COA1: variants seen among roughly 807,000 people sequenced by gnomAD.
The protein encoded by COA1 is cytochrome c oxidase assembly factor 1, also known as cytochrome c oxidase assembly factor 1 homolog.
In COA1, 13 loss-of-function variants were observed where a neutral mutation model predicts 16.0. That is an observed-to-expected ratio of 0.81 (90% CI 0.53 to 1.29). COA1 has a LOEUF of 1.29. COA1 is among the 50% of genes most tolerant of loss of function. The pLI, the probability that COA1 is intolerant of heterozygous loss-of-function variation, is 0.00. For synonymous variants in COA1, 65 were observed against 65.7 expected, an observed-to-expected ratio of 0.99 and a Z score of 0.05; for missense variants, 179 against 177.0, an observed-to-expected ratio of 1.01 and a Z score of -0.06.
At chr7:43,610,899 T>C (rs1486787474) in intron 6 of COA1, among the ~76,000 whole-genome samples, 1 of 152,074 alleles carries the variant, frequency 6.6e-6, no homozygotes, top group Non-Finnish European at 1.5e-5. Context: ...GGCAGATCGC[T>C]TGAGGTCAGG....
intron 1 of COA1, among the ~76,000 whole-genome samples, chr7:43,711,083 C>G (rs1042044342): frequency 3.3e-5 from 5 of 151,556 alleles, no homozygotes; most frequent in Non-Finnish European, 7.4e-5. Context: ...AATATCCCAT[C>G]CCACATTTTT....
chr7:43,702,503 T>C (rs752324780), intron 1 of COA1, among the ~76,000 whole-genome samples: 4 of 152,208 alleles, frequency 2.6e-5, no homozygotes, highest in Non-Finnish European at 5.9e-5. Flanking sequence ...TGTAGCCTTG[T>C]AGCATAGTTT....
chr7:43,689,296 G>A (rs1283342531), intron 1 of COA1, among the ~76,000 whole-genome samples: 2 of 152,172 alleles, frequency 1.3e-5, no homozygotes, highest in African/African-American at 4.8e-5. Context: ...TAGCAAAGGA[G>A]GAACTCTCCA....
At chr7:43,701,321 T>C (rs1467276736) in intron 1 of COA1, among the ~76,000 whole-genome samples, 2 of 152,184 alleles carry the variant, frequency 1.3e-5, no homozygotes, top group African/African-American at 2.4e-5. Context: ...CGTGTCTTCA[T>C]GCATTCACTG....
intron 1 of COA1, among the ~76,000 whole-genome samples, chr7:43,669,385 G>T (rs2093107025): frequency 6.6e-6 from 1 of 152,070 alleles, no homozygotes; most frequent in Admixed American, 6.6e-5. Context: ...TAGAAACTGG[G>T]TCCACCCAAA....
intron 1 of COA1, among the ~76,000 whole-genome samples, chr7:43,696,864 C>T (rs1352581523): frequency 6.6e-6 from 1 of 151,966 alleles, no homozygotes; most frequent in Non-Finnish European, 1.5e-5. Flanking sequence ...GTGGCTCATA[C>T]CTGTAATCCC....
intron 2 of COA1, 157 bp downstream of exon 2, chr7:43,648,443 G>C: frequency 1.2e-6 from 1 of 811,580 alleles, no homozygotes; most frequent in South Asian, 1.4e-5. Flanking sequence ...AAACAATGCA[G>C]AAAATGCCCA....
chr7:43,639,918 A>C (rs535552963), intron 5 of COA1, among the ~76,000 whole-genome samples: 1 of 152,318 alleles, frequency 6.6e-6, no homozygotes, highest in East Asian at 1.9e-4. Flanking sequence ...AATGGAAGGG[A>C]CATCAGGAAG....
rs563020728 is a variant in COA1 at position 43,685,357 on chromosome 7, C to A, written c.-38-36705G>T. On this transcript the variant is annotated intron_variant, in intron 1 of 5. Transcript: ENST00000223336. ...CTGGTGTCCAACATTACAGATCCAA[C>A]CCAAATGAGATTTTAATTTCTGACG... is the stretch of plus-strand genomic sequence containing the variant. Among the ~76,000 whole-genome samples, 3 of 152,138 alleles carry A rather than the reference C, an allele frequency of 2.0e-5. No homozygotes were observed. In the South Asian group the frequency reaches 6.2e-4, roughly 32 times the overall value.
downstream of COA1, among the ~76,000 whole-genome samples, chr7:43,636,051 C>A (rs998238507): frequency 1.3e-5 from 2 of 152,086 alleles, no homozygotes; most frequent in African/African-American, 2.4e-5. Context: ...AAAAAACTTG[C>A]AAGATAATTT....
chr7:43,644,776 A>G (rs2088566059), intron 4 of COA1, among the ~76,000 whole-genome samples: 1 of 114,092 alleles, frequency 8.8e-6, no homozygotes, highest in Non-Finnish European at 1.8e-5. Context: ...GCAGGCAGGC[A>G]GGCAGGCAGG....
chr7:43,725,686 C>T (rs912150755), intron 1 of COA1, among the ~76,000 whole-genome samples: 6 of 152,014 alleles, frequency 3.9e-5, no homozygotes, highest in East Asian at 3.9e-4. Flanking sequence ...GGTGAAACCC[C>T]GTCTCTACTA....
intron 1 of COA1, among the ~76,000 whole-genome samples, chr7:43,703,679 T>C (rs910944906): frequency 6.6e-5 from 10 of 152,194 alleles, no homozygotes; most frequent in Non-Finnish European, 1.5e-4. Flanking sequence ...TTTTGTTTGT[T>C]TTCTGTTTGC....
At chr7:43,619,838 C>T (rs2083696587) in intron 6 of COA1, 2 of 1,319,518 alleles carry the variant, frequency 1.5e-6, no homozygotes, top group South Asian at 1.4e-5. Context: ...TGAAATTCTA[C>T]CATCAGAGAT....
chr7:43,692,486 A>G (rs2094404655), intron 1 of COA1, among the ~76,000 whole-genome samples: 1 of 151,994 alleles, frequency 6.6e-6, no homozygotes, highest in Non-Finnish European at 1.5e-5. Flanking sequence ...TCACTGCACT[A>G]CAGCCTAGGC....
intron 1 of COA1, among the ~76,000 whole-genome samples, chr7:43,678,789 TA>T (rs930715864): frequency 6.6e-6 from 1 of 151,152 alleles, no homozygotes; most frequent in Non-Finnish European, 1.5e-5. Flanking sequence ...GGCAATTATT[TA>T]AAAAAAAATA....
intron 6 of COA1, among the ~76,000 whole-genome samples, chr7:43,628,884 A>T (rs1057408803): frequency 3.9e-5 from 6 of 152,114 alleles, no homozygotes; most frequent in African/African-American, 1.4e-4. Flanking sequence ...CAATTTATGA[A>T]TTTTTGTTTT....
At chr7:43,676,670 CAACA>C (rs1324148105) in intron 1 of COA1, among the ~76,000 whole-genome samples, 1 of 151,752 alleles carries the variant, frequency 6.6e-6, no homozygotes, top group Non-Finnish European at 1.5e-5. Flanking sequence ...TGAATGTTCC[CAACA>C]AAAAGAAATG....
At chr7:43,615,703 C>G (rs1235232604) in intron 6 of COA1, among the ~76,000 whole-genome samples, 1 of 152,138 alleles carries the variant, frequency 6.6e-6, no homozygotes, top group Non-Finnish European at 1.5e-5. Context: ...CCTCCCACCA[C>G]TCGTACCCCT....
Sources: gnomAD v4.1 joint callset for allele counts (sites outside exome capture counted in the v4.1 genomes callset) on GRCh38, gnomAD v4.1.1 for gene constraint, MANE v1.5 for transcripts, NCBI Gene and HGNC (gene_info 2026-07-23, HGNC 2026-07-21) for gene names.